The following AKAP9 variants were observed in gnomAD, a reference collection of about 807,000 sequenced individuals.
AKAP9 encodes A-kinase anchor protein 9.
Under a neutral mutation model 488.5 loss-of-function variants are expected in AKAP9, and 311 were observed. That is an observed-to-expected ratio of 0.64 (90% confidence interval 0.58 to 0.70). AKAP9 has a LOEUF of 0.70. AKAP9 is among the 30% of genes least tolerant of loss of function. The pLI is 0.00. For missense variants in AKAP9, 4,215 were observed against 4,374.5 expected (o/e 0.96, Z 1.03); for synonymous variants, 1,462 against 1,483.5 (o/e 0.99, Z 0.33).
In AKAP9 at chr7:91,942,630, GTCTTTC is replaced by G. The variant is rs1790915238; in HGVS notation, c.48+1484_48+1489del. ...ATTTTTATTGCCTGCCCCCAGAAAT[GTCTTTC>G]CTGAATATATGTGAAGCAGTCCTAC... On this transcript the variant is annotated intron_variant, in intron 1 of 49. Transcript: ENST00000356239. 2.6e-5 allele frequency among the ~76,000 whole-genome samples: 4 copies of G among 152,282 alleles called. 1 individual carries two copies.
intron 2 of AKAP9, 97 bp from the exon 3 acceptor site, chr7:91,980,192 C>A: frequency 1.5e-6 from 1 of 662,814 alleles, no homozygotes; most frequent in Non-Finnish European, 2.6e-6. Context: ...TTTTATGTGA[C>A]TTTTCTATCA....
chr7:92,058,141 A>G, intron 22 of AKAP9: 1 of 557,684 alleles, frequency 1.8e-6, no homozygotes, highest in Middle Eastern at 3.0e-4. Context: ...AAAGCAAATT[A>G]GGAATCTCGG....
At chr7:92,082,784 G>A in intron 32 of AKAP9, 122 bp downstream of exon 32, 1 of 1,190,562 alleles carries the variant, frequency 8.4e-7, no homozygotes. Context: ...AAAGTATTTT[G>A]TGGATTTGAT....
At chr7:92,009,066 C>T (rs889099294) in intron 8 of AKAP9, among the ~76,000 whole-genome samples, 1 of 151,708 alleles carries the variant, frequency 6.6e-6, no homozygotes, top group African/African-American at 2.4e-5. Flanking sequence ...CACCTATAAT[C>T]CCAGTGCTTC....
intron 3 of AKAP9, among the ~76,000 whole-genome samples, chr7:91,985,993 A>C (rs557983599): frequency 1.4e-4 from 22 of 152,218 alleles, no homozygotes; most frequent in African/African-American, 5.3e-4. Flanking sequence ...GAGGAATGAT[A>C]CCAGCTCCTC....
In AKAP9 at chr7:91,940,945, C is replaced by A; in HGVS notation, c.-155C>A. 1 of 793,086 alleles carries A rather than the reference C, an allele frequency of 1.3e-6. No homozygotes were observed. Among genetic ancestry groups the A allele is most frequent in the South Asian group, 1.5e-5 (1 of 67,370 alleles). The allele number at this position is 793,086 out of a possible 1,614,324, so 49.1% of individuals were successfully genotyped here. A position where few individuals can be genotyped will look rare whatever the true frequency, so the allele number is the denominator to read the frequency against. On this transcript the variant is annotated 5_prime_UTR_variant, in exon 1 of 50. Transcript: ENST00000356239. ...GCTGAGGACGATCCGCCAGTGAGCG[C>A]GGAGACTGCTTCCACTTCGGGCGGG...
chr7:91,998,053 G>A (rs1798618980), intron 7 of AKAP9, among the ~76,000 whole-genome samples: 1 of 152,124 alleles, frequency 6.6e-6, no homozygotes, highest in Admixed American at 6.6e-5. Context: ...GGGAGGAATG[G>A]TTTTGGGATG....
intron 14 of AKAP9, among the ~76,000 whole-genome samples, chr7:92,028,001 C>T (rs925915808): frequency 2.8e-4 from 43 of 152,102 alleles, no homozygotes; most frequent in Admixed American, 2.0e-3. Flanking sequence ...CCCCCAACCC[C>T]GTGCTCTCTG....
In AKAP9 at chr7:92,001,109, A is replaced by T; in HGVS notation, c.1192A>T (p.Met398Leu). Residue 398 changes from methionine (M) to leucine (L), a missense_variant, in exon 8 of 50, where the codon ATG becomes TTG. Coordinates refer to ENST00000356239, the MANE Select transcript of AKAP9 (RefSeq NM_005751.5). ...GTCTTCTGAAGAAATAAAACAGTTA[A>T]TGGGGACAGTCGAAGAACTTCAGAA... ...RQSSEEIKQLMGTVEELQKRN... is the reference protein window; with the variant it reads ...RQSSEEIKQLLGTVEELQKRN... 2 of 1,614,012 alleles carry T rather than the reference A, an allele frequency of 1.2e-6. No homozygotes were observed. The highest frequency in any genetic ancestry group is 2.2e-5 in the South Asian group (2 of 91,076).
intron 22 of AKAP9, chr7:92,058,089 T>C (rs1010198500): frequency 5.9e-6 from 3 of 506,446 alleles, no homozygotes; most frequent in Non-Finnish European, 1.2e-5. Flanking sequence ...TGGTAGATCT[T>C]GATAAACTAA....
chr7:92,039,339 G>T (rs572540109), intron 17 of AKAP9, among the ~76,000 whole-genome samples: 1 of 152,142 alleles, frequency 6.6e-6, no homozygotes, highest in Non-Finnish European at 1.5e-5. Context: ...AAATCCCATT[G>T]TAAGTTGTAC....
At chr7:92,057,253 GT>G (rs1808947990) in intron 22 of AKAP9, among the ~76,000 whole-genome samples, 1 of 152,040 alleles carries the variant, frequency 6.6e-6, no homozygotes, top group Admixed American at 6.6e-5. Context: ...GCAAAAGTAA[GT>G]TTTAATTTTC....
intron 1 of AKAP9, among the ~76,000 whole-genome samples, chr7:91,942,634 T>G (rs1790916043): frequency 6.6e-6 from 1 of 152,196 alleles, no homozygotes; most frequent in Non-Finnish European, 1.5e-5. Flanking sequence ...AGAAATGTCT[T>G]TCCTGAATAT....
Position 92,031,495 on chromosome 7 carries a change from T to G in AKAP9, c.4246-17T>G, listed in dbSNP as rs1804229695. ...TAATTAATGTAAATAAATGTCATAT[T>G]TTGCTTTTAAATGTAGTTTTCTGGT... On this transcript the variant is annotated splice_polypyrimidine_tract_variant and intron_variant, in intron 15 of 49. Coordinates refer to ENST00000356239, the MANE Select transcript of AKAP9 (RefSeq NM_005751.5). 6.5e-7 allele frequency: 1 copy of G among 1,547,058 alleles called. No individual in the cohort carries two copies. The highest frequency in any genetic ancestry group is 1.4e-5 in the African/African-American group (1 of 73,444).
rs1408685745 is a variant in AKAP9, at chr7:92,110,193, A to G, written c.*34A>G. On this transcript the variant is annotated 3_prime_UTR_variant, in exon 50 of 50. Coordinates refer to ENST00000356239, the MANE Select transcript of AKAP9 (RefSeq NM_005751.5). ...AACATCATTAATTGAAGTGATTTTA[A>G]ATAGATTTCCTTTTGTAAATCAATG... 6.5e-7 allele frequency: 1 copy of G among 1,535,918 alleles called. No homozygotes were observed. Among genetic ancestry groups the G allele is most frequent in the Non-Finnish European group, 9.0e-7 (1 of 1,115,628 alleles).
At chr7:92,039,623 A>AG in intron 17 of AKAP9, among the ~76,000 whole-genome samples, 1 of 152,308 alleles carries the variant, frequency 6.6e-6, no homozygotes, top group Middle Eastern at 3.4e-3. Flanking sequence ...CTGAATTAAA[A>AG]TTTTTTATTA....
At chr7:92,004,043 A>G (rs1484192472) in intron 8 of AKAP9, among the ~76,000 whole-genome samples, 1 of 152,222 alleles carries the variant, frequency 6.6e-6, no homozygotes, top group Non-Finnish European at 1.5e-5. Context: ...GGCAGATGAT[A>G]AATGAAACAA....
In AKAP9 at chr7:92,030,682, A is replaced by G. The variant is rs1418252751; in HGVS notation, c.4245+691A>G. Among the ~76,000 whole-genome samples the G allele has an allele frequency of 2.6e-5, 4 of 152,092 alleles. No individual in the cohort carries two copies. The South Asian group carries it at 8.3e-4, about 31-fold the overall frequency. On this transcript the variant is annotated intron_variant, in intron 15 of 49. Transcript: ENST00000356239. Reference sequence around the variant, plus strand: ...AGGGTTTAGGAATCCCCAGAATCCAAGACAATAGGGCTGGGATAATAGAAT... The same window carrying G: ...AGGGTTTAGGAATCCCCAGAATCCAGGACAATAGGGCTGGGATAATAGAAT...
chr7:92,054,144 C>A (rs1200861870), intron 22 of AKAP9, among the ~76,000 whole-genome samples: 1 of 152,108 alleles, frequency 6.6e-6, no homozygotes. Context: ...TTTTAATCTT[C>A]CATGGATAGA....
Sources: allele counts gnomAD v4.1 joint callset (sites outside exome capture counted in the v4.1 genomes callset), GRCh38; gene constraint gnomAD v4.1.1; transcripts MANE v1.5; gene names NCBI Gene and HGNC (gene_info 2026-07-23, HGNC 2026-07-21).